The following SPATA21 variants were observed in gnomAD, a reference collection of about 807,000 sequenced individuals.
The protein encoded by SPATA21 is spermatogenesis-associated protein 21.
Under a neutral mutation model 54.8 loss-of-function variants are expected in SPATA21, and 47 were observed. The ratio of observed to expected loss-of-function variants is 0.86; its 90% CI spans 0.68 to 1.09. The LOEUF is 1.09. SPATA21 is among the 50% of genes least tolerant of loss of function. The pLI is 0.00. For missense variants in SPATA21, 599 were observed against 596.4 expected (o/e 1.00, Z -0.05); for synonymous variants, 245 against 235.3 (o/e 1.04, Z -0.38).
At chr1:16,423,811 T>C (rs1218540211) in intron 3 of SPATA21, among the ~76,000 whole-genome samples, 1 of 152,042 alleles carries the variant, frequency 6.6e-6, no homozygotes. Flanking sequence ...CCCAGAGTGC[T>C]GGGATTACAG....
intron 3 of SPATA21, among the ~76,000 whole-genome samples, chr1:16,430,748 G>C (rs2086438500): frequency 6.6e-6 from 1 of 152,198 alleles, no homozygotes; most frequent in South Asian, 2.1e-4. Context: ...TATCACCTCT[G>C]TCTCCATTGT....
chr1:16,404,559 G>C (rs1035783232), intron 8 of SPATA21, among the ~76,000 whole-genome samples: 11 of 152,204 alleles, frequency 7.2e-5, no homozygotes, highest in Non-Finnish European at 1.3e-4. Flanking sequence ...GCTCACGCCT[G>C]TGATCCCAGC....
chr1:16,413,771 C>A (rs560698391), intron 5 of SPATA21, among the ~76,000 whole-genome samples: 1 of 152,132 alleles, frequency 6.6e-6, no homozygotes, highest in East Asian at 1.9e-4. Flanking sequence ...TGCCACCATG[C>A]CTGGCTAATT....
chr1:16,413,481 G>A (rs889413442), intron 5 of SPATA21, among the ~76,000 whole-genome samples: 1 of 152,176 alleles, frequency 6.6e-6, no homozygotes, highest in African/African-American at 2.4e-5. Context: ...ATGAACATGG[G>A]TGTACAAAGA....
intron 5 of SPATA21, among the ~76,000 whole-genome samples, chr1:16,414,190 C>T (rs540913127): frequency 6.6e-5 from 10 of 151,914 alleles, no homozygotes; most frequent in African/African-American, 1.7e-4. Flanking sequence ...CTCAGCCTCC[C>T]GAGTAGGTGG....
chr1:16,423,284 G>T (rs1053197179), intron 3 of SPATA21, among the ~76,000 whole-genome samples: 10 of 147,404 alleles, frequency 6.8e-5, no homozygotes, highest in Non-Finnish European at 1.3e-4. Flanking sequence ...GTGGTGGTAC[G>T]TGCCTGTAAT....
At chr1:16,398,089 G>A (rs1273557897), downstream of SPATA21, 2 of 817,882 alleles carry the variant, frequency 2.4e-6, no homozygotes, top group African/African-American at 1.9e-5. Flanking sequence ...GGGCTCCTGA[G>A]TCGGCAGATT....
In SPATA21 at chr1:16,400,904, G is replaced by C; in HGVS notation, c.1002-12C>G. The stretch of plus-strand genomic sequence containing the variant: ...TTTTCTGGTAGTAGCTGGGGAGGCA[G>C]TGCCCACCCATCTCAGCCTGGCTGT... On this transcript the variant is annotated splice_polypyrimidine_tract_variant and intron_variant, in intron 10 of 12. Transcript: ENST00000335496. 6.2e-7 allele frequency: 1 copy of C among 1,609,904 alleles called. No homozygotes were observed. Among genetic ancestry groups the C allele is most frequent in the Non-Finnish European group, 8.5e-7 (1 of 1,177,864 alleles).
At chr1:16,433,127 C>T (rs566732570) in intron 1 of SPATA21, among the ~76,000 whole-genome samples, 4 of 152,356 alleles carry the variant, frequency 2.6e-5, no homozygotes, top group South Asian at 2.1e-4. Flanking sequence ...GACACGTGCC[C>T]GTGCTAGGGA....
intron 3 of SPATA21, among the ~76,000 whole-genome samples, chr1:16,429,456 T>G (rs1210200197): frequency 3.3e-5 from 5 of 151,320 alleles, no homozygotes; most frequent in Non-Finnish European, 4.4e-5. Context: ...GTATTGTATT[T>G]TATTTATTTG....
Position 16,421,456 on chromosome 1 carries a change from C to CCCTGCCTT in SPATA21, c.144+45_144+52dup. 1 of 1,543,638 alleles carries CCCTGCCTT rather than the reference C, an allele frequency of 6.5e-7. No homozygotes were observed. Among genetic ancestry groups the CCCTGCCTT allele is most frequent in the Non-Finnish European group, 8.8e-7 (1 of 1,137,760 alleles). ...CTGCCCTCTTCCTCCTCCTGATCCC[C>CCCTGCCTT]CCTGCCTTTCTCCTACACAGCTCGT... On this transcript the variant is annotated intron_variant, in intron 5 of 12. Transcript: ENST00000335496. This position sits in a 1 kb window ranked among gnomAD's most constrained non-coding sequence, Gnocchi z 5.2.
chr1:16,415,712 A>G (rs1033882888), intron 5 of SPATA21, among the ~76,000 whole-genome samples: 1 of 152,106 alleles, frequency 6.6e-6, no homozygotes, highest in African/African-American at 2.4e-5. Context: ...GGCGCCCGCC[A>G]CCATGCCTGG....
chr1:16,427,415 G>C (rs1174148992), intron 3 of SPATA21, among the ~76,000 whole-genome samples: 1 of 151,864 alleles, frequency 6.6e-6, no homozygotes, highest in Non-Finnish European at 1.5e-5. Flanking sequence ...GCTCGCTCTT[G>C]ATTTTCTCTT....
At chr1:16,402,188 G>T (rs892401164) in intron 10 of SPATA21, among the ~76,000 whole-genome samples, 2 of 149,522 alleles carry the variant, frequency 1.3e-5, no homozygotes, top group East Asian at 4.0e-4. Flanking sequence ...CCTTGCCAAA[G>T]GTGTTAGTAG....
At position 16,405,114 on chromosome 1, in the gene SPATA21, G is replaced by C. The variant is rs148140651; in HGVS notation, c.674-10C>G. The C allele has an allele frequency of 0.018, 29,168 of 1,604,816 alleles. 341 individuals carry two copies. Among genetic ancestry groups the C allele is most frequent in the Middle Eastern group, 0.04 (241 of 6,040 alleles). On this transcript the variant is annotated splice_polypyrimidine_tract_variant and intron_variant, in intron 7 of 12. Coordinates refer to ENST00000335496, the MANE Select transcript of SPATA21 (RefSeq NM_198546.1). ...AAGTAGCTGCGGAAGGCTGTGGGGA[G>C]GGCAGGGTTATGTGGAGTGGGGGCA...
chr1:16,421,645 A>T lies in SPATA21; in HGVS notation c.96-88T>A. 2.9e-6 allele frequency: 4 copies of T among 1,380,902 alleles called. No individual in the cohort carries two copies. Among genetic ancestry groups the T allele is most frequent in the Non-Finnish European group, 4.0e-6 (4 of 1,002,578 alleles). The allele number at this position is 1,380,902 out of a possible 1,614,324, so 85.5% of individuals were successfully genotyped here. A position where few individuals can be genotyped will look rare whatever the true frequency, so the allele number is the denominator to read the frequency against. On this transcript the variant is annotated intron_variant, in intron 4 of 12. Coordinates refer to ENST00000335496, the MANE Select transcript of SPATA21 (RefSeq NM_198546.1). This position sits in a 1 kb window ranked among gnomAD's most constrained non-coding sequence, Gnocchi z 5.2. ...TCCCCTCTCAGCCCCCAGGACACTC[A>T]GTTCCACCCCAGCCTCATCCCCTTG...
In SPATA21 at chr1:16,426,753, T is replaced by C. The variant is rs1349141816; in HGVS notation, c.34+4585A>G. 4.6e-5 allele frequency among the ~76,000 whole-genome samples: 7 copies of C among 151,772 alleles called. No homozygotes were observed. The East Asian group carries it at 5.9e-4, about 13-fold the overall frequency. ...GTGCCACCATGCCCAGCTAGTTTTA[T>C]ATTTTTAGTAGAGATGGGGTTTTGC... On this transcript the variant is annotated intron_variant, in intron 3 of 12. Transcript: ENST00000335496.
chr1:16,425,560 C>T (rs2086296922), intron 3 of SPATA21: 3 of 1,549,618 alleles, frequency 1.9e-6, no homozygotes, highest in African/African-American at 2.7e-5. Context: ...CCCCGATTCC[C>T]CGGTTCCGTT....
rs542623339 is a variant in SPATA21, at chr1:16,401,196, G to A, written c.1002-304C>T. ...AAACAGATCAGACAGTTCACATGCCGTAGGATTAAATAACAAGGATGAATT... is the reference window on the plus strand; with the variant it reads ...AAACAGATCAGACAGTTCACATGCCATAGGATTAAATAACAAGGATGAATT... On this transcript the variant is annotated intron_variant, in intron 10 of 12. Coordinates refer to ENST00000335496, the MANE Select transcript of SPATA21 (RefSeq NM_198546.1). Among the ~76,000 whole-genome samples, 6 of 152,320 alleles carry A rather than the reference G, an allele frequency of 3.9e-5. No homozygotes were observed. The South Asian group carries it at 1.0e-3, about 26-fold the overall frequency.
Sources: gnomAD v4.1 joint callset for allele counts (sites outside exome capture counted in the v4.1 genomes callset) on GRCh38, gnomAD v4.1.1 for gene constraint, Gnocchi (gnomAD v3.1) non-coding constraint, MANE v1.5 for transcripts, NCBI Gene and HGNC (gene_info 2026-07-23, HGNC 2026-07-21) for gene names.